Variants in LRRTM4 observed in about 807,000 individuals in gnomAD.
LRRTM4 encodes the protein leucine rich repeat transmembrane neuronal 4, also known as leucine-rich repeat transmembrane neuronal protein 4.
A neutral mutation model predicts 47.6 loss-of-function variants in LRRTM4; 25 were observed. The ratio of observed to expected loss-of-function variants is 0.53; its 90% CI spans 0.38 to 0.73. LRRTM4 has a LOEUF of 0.73. LRRTM4 is among the 30% of genes least tolerant of loss of function. The probability of loss-of-function intolerance (pLI) is 0.00; values close to 1 mark genes in which losing one functional copy is unlikely to be tolerated. For missense variants in LRRTM4, 638 were observed against 713.4 expected, an observed-to-expected ratio of 0.89 and a Z score of 1.20; for synonymous variants, 311 against 269.5, an observed-to-expected ratio of 1.15 and a Z score of -1.51.
chr2:76,940,504 G>A (rs1280721340), intron 3 of LRRTM4, among the ~76,000 whole-genome samples: 10 of 152,174 alleles, frequency 6.6e-5, no homozygotes, highest in African/African-American at 2.4e-4. Flanking sequence ...AGGGTGAGAA[G>A]AGGGAGGGGA....
intron 3 of LRRTM4, among the ~76,000 whole-genome samples, chr2:77,137,164 C>T (rs966835659): frequency 2.6e-5 from 4 of 151,744 alleles, no homozygotes; most frequent in Admixed American, 1.3e-4. Flanking sequence ...AACTCCAAGA[C>T]ACACAATTGT....
chr2:77,038,695 CA>C (rs1678924431), intron 3 of LRRTM4, among the ~76,000 whole-genome samples: 1 of 151,502 alleles, frequency 6.6e-6, no homozygotes, highest in Non-Finnish European at 1.5e-5. Context: ...TTTGCAAAGC[CA>C]GATTTCAAGA....
At chr2:77,324,860 T>C (rs562641451) in intron 3 of LRRTM4, among the ~76,000 whole-genome samples, 4 of 152,206 alleles carry the variant, frequency 2.6e-5, no homozygotes, top group African/African-American at 9.6e-5. Flanking sequence ...AGTTTATTAG[T>C]CTTGAAGAGT....
chr2:77,208,607 C>T lies in LRRTM4; in HGVS notation c.1551+309711G>A, dbSNP rs532636814. ...TGTATGTCACACATATATATGAAGTCACACATATATATGAATGTATGAGGT... is the reference window on the plus strand; with the variant it reads ...TGTATGTCACACATATATATGAAGTTACACATATATATGAATGTATGAGGT... On this transcript the variant is annotated intron_variant, in intron 3 of 3. Coordinates refer to ENST00000409884, the MANE Select transcript of LRRTM4 (RefSeq NM_001134745.3). 6.2e-4 allele frequency among the ~76,000 whole-genome samples: 94 copies of T among 152,050 alleles called. 1 individual carries two copies. Among genetic ancestry groups the T allele is most frequent in the Non-Finnish European group, 9.7e-4 (66 of 67,988 alleles).
chr2:77,077,412 T>C (rs148932015), intron 3 of LRRTM4, among the ~76,000 whole-genome samples: 3 of 152,242 alleles, frequency 2.0e-5, no homozygotes, highest in African/African-American at 4.8e-5. Context: ...AAGTCAGACA[T>C]ATTAGAGATA....
rs186676869 is a variant in LRRTM4 at position 77,144,339 on chromosome 2, C to A, written c.1551+373979G>T. ...ACTCTTCACGACCAAGGCCACAGAC[C>A]TTTTCTTGAACGGAAACCTGGGAAG... On this transcript the variant is annotated intron_variant, in intron 3 of 3. Transcript: ENST00000409884. Among the ~76,000 whole-genome samples the A allele has an allele frequency of 5.6e-3, 849 of 151,952 alleles. 11 individuals are homozygous for A. The highest frequency in any genetic ancestry group is 0.019 in the African/African-American group (802 of 41,438).
At chr2:77,513,442 C>T (rs545427950) in intron 3 of LRRTM4, among the ~76,000 whole-genome samples, 2 of 152,048 alleles carry the variant, frequency 1.3e-5, no homozygotes, top group East Asian at 1.9e-4. Flanking sequence ...CACAGAGAAA[C>T]GAAGTGACAA....
chr2:77,307,613 CTATATATTAT>C (rs1677321121), intron 3 of LRRTM4, among the ~76,000 whole-genome samples: 1 of 79,722 alleles, frequency 1.3e-5, no homozygotes, highest in Admixed American at 1.6e-4. Flanking sequence ...ATAGATATAT[CTATATATTAT>C]AGAAATATAA....
At position 77,409,197 on chromosome 2, in the gene LRRTM4, T is replaced by C. The variant is rs920774704; in HGVS notation, c.1551+109121A>G. Among the ~76,000 whole-genome samples the C allele has an allele frequency of 2.8e-5, 4 of 145,266 alleles. No homozygotes were observed. In the Admixed American group the frequency reaches 2.8e-4, roughly 10 times the overall value. ...GTGTAAGAGTGTCTGATATACAACA[T>C]CGTTTATTCAGTTGGAAGTCTTTTT... On this transcript the variant is annotated intron_variant, in intron 3 of 3. Coordinates refer to ENST00000409884, the MANE Select transcript of LRRTM4 (RefSeq NM_001134745.3).
chr2:77,086,896 G>A (rs1178456190), intron 3 of LRRTM4, among the ~76,000 whole-genome samples: 2 of 141,196 alleles, frequency 1.4e-5, no homozygotes, highest in African/African-American at 5.8e-5. Flanking sequence ...TCCTGTTTCT[G>A]GCAGTAATGT....
At chr2:77,257,655 G>GA (rs1178704204) in intron 3 of LRRTM4, among the ~76,000 whole-genome samples, 2 of 151,652 alleles carry the variant, frequency 1.3e-5, no homozygotes, top group Non-Finnish European at 2.9e-5. Context: ...TAGACCGAGA[G>GA]AAAATATTTG....
At chr2:77,084,424 A>C (rs538868747) in intron 3 of LRRTM4, among the ~76,000 whole-genome samples, 1 of 152,312 alleles carries the variant, frequency 6.6e-6, no homozygotes, top group African/African-American at 2.4e-5. Context: ...TATTTCAGAA[A>C]CAAGTACCCC....
intron 3 of LRRTM4, among the ~76,000 whole-genome samples, chr2:77,021,411 C>T (rs1474962036): frequency 6.6e-6 from 1 of 152,134 alleles, no homozygotes; most frequent in African/African-American, 2.4e-5. Flanking sequence ...CTGTCATCTA[C>T]ACATTAAGAC....
chr2:77,362,283 A>G lies in LRRTM4; in HGVS notation c.1551+156035T>C, dbSNP rs115554892. On this transcript the variant is annotated intron_variant, in intron 3 of 3. Transcript: ENST00000409884. ...TCCATAGTCTTAACAAACACATTTC[A>G]CCTCTCACTTATGTTCATTATTTCT... is the stretch of plus-strand genomic sequence containing the variant. Among the ~76,000 whole-genome samples, 433 of 152,116 alleles carry G rather than the reference A, an allele frequency of 2.8e-3. 2 individuals are homozygous for G. The highest frequency in any genetic ancestry group is 9.1e-3 in the African/African-American group (378 of 41,478).
intron 3 of LRRTM4, among the ~76,000 whole-genome samples, chr2:76,954,898 T>A (rs1299622946): frequency 6.6e-6 from 1 of 151,726 alleles, no homozygotes; most frequent in Non-Finnish European, 1.5e-5. Context: ...TGGTATGATA[T>A]AGTAAAAGTG....
rs572172119 is a variant in LRRTM4, at chr2:77,295,772, C to T, written c.1551+222546G>A. Among the ~76,000 whole-genome samples, 12 of 152,168 alleles carry T rather than the reference C, an allele frequency of 7.9e-5. No individual in the cohort carries two copies. In the South Asian group the frequency reaches 2.3e-3, roughly 29 times the overall value. On this transcript the variant is annotated intron_variant, in intron 3 of 3. Coordinates refer to ENST00000409884, the MANE Select transcript of LRRTM4 (RefSeq NM_001134745.3). ...TTCTCTATTTGTTGTATCTAAATTT[C>T]CTCCTAAAAGGACACCAATCATATT...
intron 3 of LRRTM4, among the ~76,000 whole-genome samples, chr2:76,795,578 T>G (rs918147117): frequency 6.1e-5 from 6 of 98,874 alleles, no homozygotes. Flanking sequence ...TGCATATATA[T>G]GCACACACAC....
intron 3 of LRRTM4, among the ~76,000 whole-genome samples, chr2:77,336,401 C>G (rs1671170989): frequency 6.6e-6 from 1 of 151,924 alleles, no homozygotes; most frequent in Non-Finnish European, 1.5e-5. Context: ...TAATTTTTTA[C>G]CAAAATTATA....
chr2:77,292,075 G>T (rs1014169961), intron 3 of LRRTM4, among the ~76,000 whole-genome samples: 4 of 151,812 alleles, frequency 2.6e-5, no homozygotes, highest in Non-Finnish European at 4.4e-5. Flanking sequence ...CATTTATGCA[G>T]CCAAAAAAAC....
Sources: gnomAD v4.1 joint callset for allele counts (sites outside exome capture counted in the v4.1 genomes callset) on GRCh38, gnomAD v4.1.1 for gene constraint, MANE v1.5 for transcripts, NCBI Gene and HGNC (gene_info 2026-07-23, HGNC 2026-07-21) for gene names.